The following NEDD9 variants were observed in gnomAD, a reference collection of about 807,000 sequenced individuals.
NEDD9 encodes the protein neural precursor cell expressed, developmentally down-regulated 9.
A neutral mutation model predicts 76.6 loss-of-function variants in NEDD9; 26 were observed. The observed-to-expected ratio is 0.34, with a 90% CI of 0.25 to 0.47. The LOEUF (loss-of-function observed/expected upper bound fraction) is 0.47. NEDD9 is among the 20% of genes least tolerant of loss of function. The pLI, the probability that NEDD9 is intolerant of heterozygous loss-of-function variation, is 1.00. For synonymous variants in NEDD9, 392 were observed against 414.2 expected (o/e 0.95, Z 0.65); for missense variants, 937 against 1,058.5 (o/e 0.89, Z 1.59).
chr6:11,190,108 C>G lies in NEDD9; in HGVS notation c.1761G>C (p.Gln587His), dbSNP rs142806547. 42 of 1,611,302 alleles carry G rather than the reference C, an allele frequency of 2.6e-5. No homozygotes were observed. The African/African-American group carries it at 4.9e-4, about 19-fold the overall frequency. The change falls in exon 5 of 7, where the codon CAG becomes CAC. Residue 587 changes from glutamine (Q) to histidine (H), a missense_variant. By Grantham distance (24) the Gln-to-His change is conservative (BLOSUM62 0). Coordinates refer to ENST00000379446, the MANE Select transcript of NEDD9 (RefSeq NM_006403.4). This position sits in a 1 kb window ranked among gnomAD's most constrained non-coding sequence, Gnocchi z 5.8. The part of the protein sequence containing the change: ...TEYPHGGSQG[Q>H]LLHPGDHKAQ... Reference sequence around the variant, plus strand: ...CCTTGTGGTCACCAGGATGCAGCAGCTGTCCCTGGGAGCCACCGTGTGGGT... The same window carrying G: ...CCTTGTGGTCACCAGGATGCAGCAGGTGTCCCTGGGAGCCACCGTGTGGGT...
chr6:11,366,294 G>GGAAGGAAGGAAGGAAAGAAA (rs58662867), intron 1 of NEDD9, among the ~76,000 whole-genome samples: 71 of 117,296 alleles, frequency 6.1e-4, no homozygotes, highest in African/African-American at 1.9e-3. Flanking sequence ...AAGGAAGGAA[G>GGAAGGAAGGAAGGAAAGAAA]GAAAGAAAGA....
chr6:11,341,339 T>A (rs1170616534), intron 1 of NEDD9, among the ~76,000 whole-genome samples: 2 of 152,206 alleles, frequency 1.3e-5, no homozygotes, highest in Non-Finnish European at 2.9e-5. Flanking sequence ...GGACTCTTGC[T>A]GGGCTGAAGA....
chr6:11,295,138 C>G lies in NEDD9; in HGVS notation c.12+10854G>C, dbSNP rs757968620. ...ATAAATTACCCAGTCTTGGGTAGGTCTTTATTAGCAGTGTGAGAACAGACT... is the reference window on the plus strand; with the variant it reads ...ATAAATTACCCAGTCTTGGGTAGGTGTTTATTAGCAGTGTGAGAACAGACT... On this transcript the variant is annotated intron_variant, in intron 3 of 3. Coordinates refer to the NEDD9 transcript ENST00000397378. 1.2e-3 allele frequency among the ~76,000 whole-genome samples: 185 copies of G among 152,300 alleles called. 1 individual carries two copies. Among genetic ancestry groups the G allele is most frequent in the Non-Finnish European group, 2.0e-3 (133 of 68,026 alleles).
rs567637108 is a variant in NEDD9 at position 11,312,648 on chromosome 6, T to C, written c.-152-6493A>G. Among the ~76,000 whole-genome samples, 25 of 148,156 alleles carry C rather than the reference T, an allele frequency of 1.7e-4. No individual in the cohort carries two copies. The South Asian group carries it at 2.1e-3, about 12-fold the overall frequency. On this transcript the variant is annotated intron_variant, in intron 2 of 3. Transcript: ENST00000397378. ...TAATATTATGGAATTACTATGGAAATGTTTTAAGTTTGATAATGGTATTAT... is the reference window on the plus strand; with the variant it reads ...TAATATTATGGAATTACTATGGAAACGTTTTAAGTTTGATAATGGTATTAT...
At chr6:11,324,300 C>T (rs776156249) in intron 2 of NEDD9, among the ~76,000 whole-genome samples, 2 of 152,180 alleles carry the variant, frequency 1.3e-5, no homozygotes, top group African/African-American at 2.4e-5. Context: ...CATGTGCTCT[C>T]GGGCTGTACC....
At chr6:11,287,951 T>C (rs1216265965) in intron 3 of NEDD9, among the ~76,000 whole-genome samples, 4 of 152,232 alleles carry the variant, frequency 2.6e-5, no homozygotes, top group Admixed American at 6.5e-5. Flanking sequence ...AGCATTGATA[T>C]CTTTGATGAA....
chr6:11,269,864 A>G (rs1760268867), intron 3 of NEDD9, among the ~76,000 whole-genome samples: 1 of 152,214 alleles, frequency 6.6e-6, no homozygotes, highest in Non-Finnish European at 1.5e-5. Flanking sequence ...GCGGTGGCTC[A>G]TGCCTGAATC....
At chr6:11,192,942 A>AAAG (rs1328673743) in intron 3 of NEDD9, among the ~76,000 whole-genome samples, 25 of 150,436 alleles carry the variant, frequency 1.7e-4, no homozygotes, top group African/African-American at 5.8e-4. Context: ...CAAAAAAAAA[A>AAAG]AAAAAAAAAA....
chr6:11,268,222 C>T (rs920411918), intron 3 of NEDD9, among the ~76,000 whole-genome samples: 6 of 151,832 alleles, frequency 4.0e-5, no homozygotes, highest in Admixed American at 6.6e-5. Context: ...TTAATAGAGT[C>T]GGGGTTTCGC....
intron 2 of NEDD9, among the ~76,000 whole-genome samples, chr6:11,205,330 C>A (rs552443023): frequency 3.3e-5 from 5 of 152,292 alleles, no homozygotes; most frequent in African/African-American, 1.2e-4. Flanking sequence ...TTGGGGTCAC[C>A]CCCACTTTAG....
chr6:11,257,748 C>T (rs185262634), intron 3 of NEDD9, among the ~76,000 whole-genome samples: 14 of 149,396 alleles, frequency 9.4e-5, no homozygotes, highest in Admixed American at 9.3e-4. Context: ...CCAGCAGCCC[C>T]GCAGAGTGAC....
At chr6:11,290,016 C>T (rs890106289) in intron 3 of NEDD9, among the ~76,000 whole-genome samples, 2 of 152,164 alleles carry the variant, frequency 1.3e-5, no homozygotes, top group African/African-American at 4.8e-5. Context: ...ACTAACTGTT[C>T]CATTAGCACT....
chr6:11,369,443 T>G (rs528128372), intron 1 of NEDD9, among the ~76,000 whole-genome samples: 1 of 152,326 alleles, frequency 6.6e-6, no homozygotes, highest in Admixed American at 6.5e-5. Context: ...TAAATTTTAT[T>G]AGGAACTCCC....
chr6:11,281,990 C>T (rs11966740), intron 3 of NEDD9, among the ~76,000 whole-genome samples: 2,301 of 152,028 alleles, frequency 0.015, 59 homozygotes, highest in African/African-American at 0.051. Flanking sequence ...CCACCTGCCT[C>T]GGCCTCCTAA....
At chr6:11,379,465 G>A (rs964512361) in intron 1 of NEDD9, among the ~76,000 whole-genome samples, 2 of 152,088 alleles carry the variant, frequency 1.3e-5, no homozygotes, top group South Asian at 2.1e-4. Flanking sequence ...GTGGGCACCT[G>A]CAATCCCAGC....
intron 1 of NEDD9, among the ~76,000 whole-genome samples, chr6:11,356,165 G>A (rs1436621337): frequency 1.3e-5 from 2 of 152,144 alleles, no homozygotes; most frequent in African/African-American, 4.8e-5. Context: ...TAGGGGAGTG[G>A]GGAAACCTGC....
At chr6:11,362,119 G>A (rs1310716320) in intron 1 of NEDD9, among the ~76,000 whole-genome samples, 1 of 152,308 alleles carries the variant, frequency 6.6e-6, no homozygotes, top group South Asian at 2.1e-4. Flanking sequence ...ATTACATCAT[G>A]AGGGTGAATC....
At chr6:11,366,661 G>A (rs1288504958) in intron 1 of NEDD9, among the ~76,000 whole-genome samples, 2 of 152,172 alleles carry the variant, frequency 1.3e-5, no homozygotes, top group African/African-American at 4.8e-5. Context: ...GAAAACCAGC[G>A]TCTTCACACC....
Position 11,185,124 on chromosome 6 carries a change from T to C in NEDD9, c.*38A>G. ...AGACAGTATTTCCAGTTTTCCTTAG[T>C]AACCGTTAACGCAGTCCCCTTCCTC... is the stretch of plus-strand genomic sequence containing the variant. On this transcript the variant is annotated 3_prime_UTR_variant, in exon 7 of 7. Coordinates refer to ENST00000379446, the MANE Select transcript of NEDD9 (RefSeq NM_006403.4). 17 of 1,550,272 alleles carry C rather than the reference T, an allele frequency of 1.1e-5. No homozygotes were observed. The highest frequency in any genetic ancestry group is 1.5e-5 in the Non-Finnish European group (17 of 1,145,742).
Sources: allele counts gnomAD v4.1 joint callset (sites outside exome capture counted in the v4.1 genomes callset), GRCh38; gene constraint gnomAD v4.1.1; non-coding constraint Gnocchi (gnomAD v3.1); transcripts MANE v1.5; gene names NCBI Gene and HGNC (gene_info 2026-07-23, HGNC 2026-07-21).